Variants in CCDC3 observed in about 807,000 individuals in gnomAD.
The protein encoded by CCDC3 is coiled-coil domain containing 3.
A neutral mutation model predicts 21.4 loss-of-function variants in CCDC3; 24 were observed. The ratio of observed to expected loss-of-function variants is 1.12; its 90% confidence interval spans 0.81 to 1.58. The LOEUF is 1.58. CCDC3 is among the 40% of genes most tolerant of loss of function. The pLI, the probability that CCDC3 is intolerant of heterozygous loss-of-function variation, is 0.00. For synonymous variants in CCDC3, 186 were observed against 166.0 expected (o/e 1.12, Z -0.93); for missense variants, 425 against 360.9 (o/e 1.18, Z -1.44).
At chr10:12,967,920 C>A (rs1471033802) in intron 2 of CCDC3, among the ~76,000 whole-genome samples, 1 of 152,170 alleles carries the variant, frequency 6.6e-6, no homozygotes, top group African/African-American at 2.4e-5. Flanking sequence ...CCTATAATCC[C>A]AGCGCTTTGG....
intron 2 of CCDC3, among the ~76,000 whole-genome samples, chr10:12,904,820 C>T (rs1213460166): frequency 1.3e-5 from 2 of 152,074 alleles, no homozygotes; most frequent in Non-Finnish European, 2.9e-5. Flanking sequence ...TTTTGGCTTC[C>T]ATATGTTCAT....
chr10:12,948,690 G>A (rs1466844094), intron 2 of CCDC3, among the ~76,000 whole-genome samples: 5 of 146,472 alleles, frequency 3.4e-5, no homozygotes, highest in East Asian at 2.0e-4. Flanking sequence ...AACTGAAGAC[G>A]AAAAGGGGTA....
intron 4 of CCDC3, among the ~76,000 whole-genome samples, chr10:13,051,799 T>C (rs1588406966): frequency 6.6e-6 from 1 of 150,710 alleles, no homozygotes; most frequent in African/African-American, 2.4e-5. Flanking sequence ...GCATGGAGGG[T>C]GGTGGGAGCA....
At chr10:12,940,507 A>G (rs1187809659) in intron 2 of CCDC3, among the ~76,000 whole-genome samples, 1 of 152,214 alleles carries the variant, frequency 6.6e-6, no homozygotes, top group Non-Finnish European at 1.5e-5. Context: ...GGGAGGCCTG[A>G]AGTATAGTAG....
At chr10:12,948,045 C>T (rs1214173081) in intron 2 of CCDC3, among the ~76,000 whole-genome samples, 2 of 152,174 alleles carry the variant, frequency 1.3e-5, no homozygotes, top group East Asian at 3.9e-4. Flanking sequence ...TGTCCCCACC[C>T]AAATCTCACC....
At chr10:13,001,001 G>A (rs1469105054) in intron 1 of CCDC3, among the ~76,000 whole-genome samples, 196 bp downstream of exon 1, 1 of 152,204 alleles carries the variant, frequency 6.6e-6, no homozygotes, top group Non-Finnish European at 1.5e-5. Context: ...GCCTTAACCA[G>A]GGGTAGTCAG....
chr10:13,028,793 ATCTC>A (rs1348866923), intron 5 of CCDC3, among the ~76,000 whole-genome samples: 1 of 152,148 alleles, frequency 6.6e-6, no homozygotes, highest in Non-Finnish European at 1.5e-5. Flanking sequence ...AAAGGGTTCC[ATCTC>A]TCTCTCTAAT....
At chr10:12,998,217 C>T (rs954999699) in intron 2 of CCDC3, 121 bp downstream of exon 2, 40 of 1,078,486 alleles carry the variant, frequency 3.7e-5, no homozygotes, top group Admixed American at 9.9e-5. Flanking sequence ...AGAGGGCATA[C>T]GCTAATACTC....
intron 2 of CCDC3, among the ~76,000 whole-genome samples, chr10:12,943,830 TTCTC>T (rs569447056): frequency 9.5e-4 from 145 of 152,292 alleles, no homozygotes; most frequent in Middle Eastern, 3.4e-3. Flanking sequence ...GTTTTTCTCT[TTCTC>T]TCTATTAAAC....
At chr10:12,919,072 CAAAA>C (rs561781249) in intron 2 of CCDC3, among the ~76,000 whole-genome samples, 2 of 151,268 alleles carry the variant, frequency 1.3e-5, no homozygotes, top group African/African-American at 4.9e-5. Context: ...CAAAACAAAA[CAAAA>C]AAGACACCAA....
intron 2 of CCDC3, among the ~76,000 whole-genome samples, chr10:12,956,318 C>T (rs1473086950): frequency 6.6e-6 from 1 of 152,234 alleles, no homozygotes; most frequent in African/African-American, 2.4e-5. Flanking sequence ...TCAGACCAAT[C>T]TTCCTCTACC....
chr10:13,092,060 G>A (rs1832579009), intron 3 of CCDC3, among the ~76,000 whole-genome samples: 1 of 152,158 alleles, frequency 6.6e-6, no homozygotes, highest in Non-Finnish European at 1.5e-5. Context: ...AAAGAGTGCA[G>A]GGTGCAGATA....
intron 4 of CCDC3, among the ~76,000 whole-genome samples, chr10:13,059,728 C>T (rs1836730360): frequency 1.3e-5 from 2 of 152,082 alleles, no homozygotes; most frequent in Non-Finnish European, 2.9e-5. Context: ...GCTGTTCCTC[C>T]GATGGCCTCA....
chr10:13,013,227 C>A (rs1836004836), intron 5 of CCDC3, among the ~76,000 whole-genome samples: 1 of 152,172 alleles, frequency 6.6e-6, no homozygotes, highest in South Asian at 2.1e-4. Context: ...TTCTAAATAT[C>A]ATTCTCCATT....
At chr10:13,029,023 A>T (rs1357712272) in intron 5 of CCDC3, among the ~76,000 whole-genome samples, 1 of 152,192 alleles carries the variant, frequency 6.6e-6, no homozygotes, top group Non-Finnish European at 1.5e-5. Context: ...CCTCTGACTG[A>T]GTAGCCTGTT....
Position 12,897,676 on chromosome 10 carries a change from T to C in CCDC3, c.*740A>G, listed in dbSNP as rs569585457. The C allele has an allele frequency of 2.0e-5, 3 of 152,386 alleles. No homozygotes were observed. In the East Asian group the frequency reaches 5.8e-4, roughly 29 times the overall value. The allele number at this position is 152,386 out of a possible 1,614,324, so 9.4% of individuals were successfully genotyped here. On this transcript the variant is annotated 3_prime_UTR_variant, in exon 3 of 3. Coordinates refer to ENST00000378825, the MANE Select transcript of CCDC3 (RefSeq NM_031455.4). ...TCTCTCAATTTAGGAAGCAGTCTGA[T>C]GACCCATGGCAGGCCGATCAAGGCA...
chr10:13,049,611 ATAT>A (rs1836576904), intron 5 of CCDC3: 1 of 152,244 alleles, frequency 6.6e-6, no homozygotes, highest in Non-Finnish European at 1.5e-5. Flanking sequence ...TTGGAGAATT[ATAT>A]TTTTTTAAAC....
At chr10:13,019,503 T>G (rs1432037271) in intron 5 of CCDC3, among the ~76,000 whole-genome samples, 1 of 90,508 alleles carries the variant, frequency 1.1e-5, no homozygotes, top group African/African-American at 3.2e-5. Flanking sequence ...TGTGTTCTCG[T>G]TGTAGAGGTA....
chr10:13,036,332 T>C (rs531704812), intron 5 of CCDC3, among the ~76,000 whole-genome samples: 1 of 152,192 alleles, frequency 6.6e-6, no homozygotes, highest in South Asian at 2.1e-4. Flanking sequence ...AAAAAATCCA[T>C]GCTATATATT....
Sources: gnomAD v4.1 joint callset for allele counts (sites outside exome capture counted in the v4.1 genomes callset) on GRCh38, gnomAD v4.1.1 for gene constraint, MANE v1.5 for transcripts, NCBI Gene and HGNC (gene_info 2026-07-23, HGNC 2026-07-21) for gene names.